Variants in CTNNA3 observed in about 807,000 individuals in gnomAD.
CTNNA3 encodes the protein catenin alpha-3.
Under a neutral mutation model 95.7 loss-of-function variants are expected in CTNNA3, and 76 were observed. The ratio of observed to expected loss-of-function variants is 0.79; its 90% confidence interval spans 0.66 to 0.96. CTNNA3 has a LOEUF of 0.96. CTNNA3 is among the 40% of genes least tolerant of loss of function. The pLI is 0.00. For missense variants in CTNNA3, 1,191 were observed against 1,089.8 expected, an observed-to-expected ratio of 1.09 and a Z score of -1.31; for synonymous variants, 431 against 374.4, an observed-to-expected ratio of 1.15 and a Z score of -1.74.
intron 7 of CTNNA3, among the ~76,000 whole-genome samples, chr10:66,868,495 G>A (rs1217287672): frequency 1.3e-5 from 2 of 152,068 alleles, no homozygotes; most frequent in East Asian, 3.9e-4. Context: ...GGTCACGCCT[G>A]TAATCCCAGC....
At chr10:66,187,805 G>A (rs1221328569) in intron 13 of CTNNA3, among the ~76,000 whole-genome samples, 1 of 152,070 alleles carries the variant, frequency 6.6e-6, no homozygotes, top group African/African-American at 2.4e-5. Context: ...AGGAGGCAGA[G>A]AGAGTTAGCA....
intron 5 of CTNNA3, among the ~76,000 whole-genome samples, chr10:67,390,309 A>C (rs977460539): frequency 6.6e-6 from 1 of 152,244 alleles, no homozygotes; most frequent in Non-Finnish European, 1.5e-5. Context: ...ATCTAGAAGA[A>C]ATGGATAAAT....
chr10:67,467,149 A>G (rs893814754), intron 5 of CTNNA3, among the ~76,000 whole-genome samples: 3 of 152,170 alleles, frequency 2.0e-5, no homozygotes, highest in Non-Finnish European at 2.9e-5. Context: ...AAAAAAAAGA[A>G]AAAGAAAATT....
At chr10:67,484,777 T>A (rs2133063531) in intron 5 of CTNNA3, among the ~76,000 whole-genome samples, 1 of 152,072 alleles carries the variant, frequency 6.6e-6, no homozygotes, top group South Asian at 2.1e-4. Context: ...ATGGCTATTA[T>A]GAAAAATGAA....
At chr10:67,227,793 G>A (rs1589051329) in intron 5 of CTNNA3, among the ~76,000 whole-genome samples, 1 of 151,958 alleles carries the variant, frequency 6.6e-6, no homozygotes, top group African/African-American at 2.4e-5. Context: ...CTATATGATA[G>A]GCCATAAAAT....
intron 1 of CTNNA3, chr10:67,750,837 T>G (rs1841403121): frequency 1.2e-6 from 2 of 1,610,864 alleles, no homozygotes; most frequent in Non-Finnish European, 1.7e-6. Context: ...CTAACCAGGT[T>G]GAGTGTCACC....
chr10:67,519,242 C>T (rs1416123582), intron 5 of CTNNA3, among the ~76,000 whole-genome samples: 1 of 151,908 alleles, frequency 6.6e-6, no homozygotes, highest in East Asian at 1.9e-4. Context: ...AGAAATCTCT[C>T]AAAGATGATG....
chr10:67,034,366 C>A (rs1417238985), intron 7 of CTNNA3, among the ~76,000 whole-genome samples: 1 of 152,182 alleles, frequency 6.6e-6, no homozygotes, highest in East Asian at 1.9e-4. Flanking sequence ...GATGAGGATA[C>A]AATGCCCAAT....
At chr10:67,108,914 G>A (rs1589749172) in intron 7 of CTNNA3, among the ~76,000 whole-genome samples, 1 of 151,908 alleles carries the variant, frequency 6.6e-6, no homozygotes, top group South Asian at 2.1e-4. Context: ...CAAATGAAAA[G>A]GATTTAATTT....
intron 5 of CTNNA3, among the ~76,000 whole-genome samples, chr10:67,505,517 A>C (rs886407537): frequency 7.9e-5 from 12 of 152,230 alleles, no homozygotes; most frequent in Admixed American, 4.6e-4. Flanking sequence ...AATAGAGATA[A>C]ATACCAACAT....
chr10:67,638,606 G>GA lies in CTNNA3; in HGVS notation c.99+8808dup, dbSNP rs1319678796. ...TATTACAAAATTGACCACATAGTTG[G>GA]AAGTAAAGCACTCCTCAGCAAATGT... On this transcript the variant is annotated intron_variant, in intron 2 of 17. Coordinates refer to ENST00000433211, the MANE Select transcript of CTNNA3 (RefSeq NM_013266.4). Among the ~76,000 whole-genome samples, 14 of 152,268 alleles carry GA rather than the reference G, an allele frequency of 9.2e-5. No homozygotes were observed. In the South Asian group the frequency reaches 2.9e-3, roughly 32 times the overall value.
intron 10 of CTNNA3, among the ~76,000 whole-genome samples, chr10:66,586,645 G>A (rs754531258): frequency 6.6e-5 from 10 of 152,220 alleles, no homozygotes; most frequent in African/African-American, 9.6e-5. Flanking sequence ...CATCCATGCT[G>A]AGCTCCCATG....
intron 15 of CTNNA3, among the ~76,000 whole-genome samples, chr10:66,052,739 T>C (rs533400999): frequency 6.6e-6 from 1 of 152,194 alleles, no homozygotes; most frequent in South Asian, 2.1e-4. Flanking sequence ...TTGTGTCATA[T>C]GGACATGAGA....
chr10:66,196,189 A>G (rs1159047122), intron 13 of CTNNA3, among the ~76,000 whole-genome samples: 2 of 152,224 alleles, frequency 1.3e-5, no homozygotes, highest in Non-Finnish European at 2.9e-5. Context: ...GTTTAAGAGA[A>G]TATAAAGCAA....
intron 4 of CTNNA3, among the ~76,000 whole-genome samples, chr10:67,527,308 A>G (rs2133173586): frequency 6.6e-6 from 1 of 152,290 alleles, no homozygotes; most frequent in Non-Finnish European, 1.5e-5. Flanking sequence ...AATGTCCCCA[A>G]AGAAATCAGC....
intron 13 of CTNNA3, among the ~76,000 whole-genome samples, chr10:66,257,528 A>G (rs1159337274): frequency 1.3e-5 from 2 of 152,204 alleles, no homozygotes; most frequent in Admixed American, 1.3e-4. Flanking sequence ...TCACTAAAAG[A>G]GCAACTGCAG....
At chr10:67,271,206 C>T (rs569406221) in intron 5 of CTNNA3, among the ~76,000 whole-genome samples, 2 of 152,234 alleles carry the variant, frequency 1.3e-5, no homozygotes, top group South Asian at 2.1e-4. Flanking sequence ...TTAGGCTTTG[C>T]GTTCCCACCC....
intron 12 of CTNNA3, among the ~76,000 whole-genome samples, chr10:66,293,739 C>T (rs748141485): frequency 6.7e-6 from 1 of 149,798 alleles, no homozygotes; most frequent in Non-Finnish European, 1.5e-5. Flanking sequence ...GATCTCGGCT[C>T]ACTGCAACCT....
chr10:67,231,458 G>A (rs958409368), intron 5 of CTNNA3, among the ~76,000 whole-genome samples: 1 of 152,150 alleles, frequency 6.6e-6, no homozygotes. Flanking sequence ...ACCTGCAGCT[G>A]AGGGTCCTGT....
Sources: gnomAD v4.1 joint callset for allele counts (sites outside exome capture counted in the v4.1 genomes callset) on GRCh38, gnomAD v4.1.1 for gene constraint, MANE v1.5 for transcripts, NCBI Gene and HGNC (gene_info 2026-07-23, HGNC 2026-07-21) for gene names.